The following SUCLG2 variants were observed in gnomAD, a reference collection of about 807,000 sequenced individuals.
SUCLG2 encodes the protein succinate-CoA ligase GDP-forming subunit beta.
In SUCLG2, 42 loss-of-function variants were observed where a neutral mutation model predicts 47.9. That is an observed-to-expected ratio of 0.88 (90% CI 0.69 to 1.14). SUCLG2 has a LOEUF of 1.14. Among genes scored for constraint, SUCLG2 ranks in the 50% most tolerant of loss-of-function variants. The probability of loss-of-function intolerance (pLI) is 0.00; values close to 1 mark genes in which losing one functional copy is unlikely to be tolerated. For synonymous variants in SUCLG2, 195 were observed against 197.3 expected, an observed-to-expected ratio of 0.99 and a Z score of 0.10; for missense variants, 571 against 525.9, an observed-to-expected ratio of 1.09 and a Z score of -0.84.
chr3:67,585,700 T>C (rs1490879244), intron 2 of SUCLG2, among the ~76,000 whole-genome samples: 1 of 152,010 alleles, frequency 6.6e-6, no homozygotes, highest in Non-Finnish European at 1.5e-5. Context: ...CAGTGGCTCA[T>C]ATCTGTAATC....
intron 9 of SUCLG2, among the ~76,000 whole-genome samples, chr3:67,429,602 T>C (rs190983634): frequency 6.6e-6 from 1 of 152,256 alleles, no homozygotes; most frequent in Non-Finnish European, 1.5e-5. Flanking sequence ...CATAACAATA[T>C]TAACCTTAAA....
chr3:67,608,168 C>G (rs1041713169), intron 2 of SUCLG2, among the ~76,000 whole-genome samples: 3 of 152,210 alleles, frequency 2.0e-5, no homozygotes, highest in Non-Finnish European at 4.4e-5. Context: ...ATGCCCTTGT[C>G]TTTGGTCTCC....
chr3:67,578,225 T>C (rs1228191896), intron 2 of SUCLG2, among the ~76,000 whole-genome samples: 1 of 147,186 alleles, frequency 6.8e-6, no homozygotes, highest in Non-Finnish European at 1.5e-5. Flanking sequence ...ATATATTTCA[T>C]ATATAAAAAA....
intron 2 of SUCLG2, among the ~76,000 whole-genome samples, chr3:67,541,157 G>A (rs1471994803): frequency 6.6e-6 from 1 of 152,100 alleles, no homozygotes; most frequent in Non-Finnish European, 1.5e-5. Flanking sequence ...TTCCTTCAAA[G>A]GATCACAACT....
chr3:67,623,344 C>G lies in SUCLG2; in HGVS notation c.85-13748G>C, dbSNP rs535257951. Reference sequence around the variant, plus strand: ...TGAAACCCCATCTCTACTAAAAATACAAAAAAATTAGCTGGGCGTGATGGC... The same window carrying G: ...TGAAACCCCATCTCTACTAAAAATAGAAAAAAATTAGCTGGGCGTGATGGC... On this transcript the variant is annotated intron_variant, in intron 1 of 10. Transcript: ENST00000307227. Among the ~76,000 whole-genome samples the G allele has an allele frequency of 2.6e-5, 4 of 151,888 alleles. No individual in the cohort carries two copies. In the East Asian group the frequency reaches 7.8e-4, roughly 30 times the overall value.
At chr3:67,528,252 G>A (rs116073508) in intron 3 of SUCLG2, 30 bp from the exon 4 acceptor site, 8 of 1,594,236 alleles carry the variant, frequency 5.0e-6, no homozygotes, top group African/African-American at 1.3e-5. Context: ...AGCAGAAAAT[G>A]AATGTTTGTT....
At chr3:67,604,955 C>A (rs1421196823) in intron 2 of SUCLG2, among the ~76,000 whole-genome samples, 1 of 152,164 alleles carries the variant, frequency 6.6e-6, no homozygotes, top group Non-Finnish European at 1.5e-5. Flanking sequence ...AATATGAACT[C>A]TCCTAACACA....
chr3:67,509,714 G>C (rs1705733733), intron 6 of SUCLG2, among the ~76,000 whole-genome samples: 1 of 152,174 alleles, frequency 6.6e-6, no homozygotes, highest in Non-Finnish European at 1.5e-5. Context: ...CAGAGCAAGA[G>C]GGTGGATCGT....
At chr3:67,494,857 A>G (rs1559546867) in intron 9 of SUCLG2, among the ~76,000 whole-genome samples, 2 of 152,190 alleles carry the variant, frequency 1.3e-5, no homozygotes, top group South Asian at 4.1e-4. Flanking sequence ...AAACTAGCTG[A>G]TTAAATATTA....
In SUCLG2 at chr3:67,629,563, G is replaced by A. The variant is rs376646675; in HGVS notation, c.85-19967C>T. 8.5e-5 allele frequency among the ~76,000 whole-genome samples: 13 copies of A among 152,274 alleles called. 1 individual carries two copies. The East Asian group carries it at 2.3e-3, about 27-fold the overall frequency. ...GCTCCCCTAATGTCAGTGTTTCAGA[G>A]TTTAATCAAGGTTTCATTACTTAGC... On this transcript the variant is annotated intron_variant, in intron 1 of 10. Transcript: ENST00000307227.
At chr3:67,471,763 G>A (rs1330752796) in intron 9 of SUCLG2, among the ~76,000 whole-genome samples, 3 of 152,090 alleles carry the variant, frequency 2.0e-5, no homozygotes, top group Non-Finnish European at 1.5e-5. Flanking sequence ...AACATGGCTG[G>A]GCTCTGGATC....
intron 9 of SUCLG2, 68 bp from the exon 10 acceptor site, chr3:67,400,919 AAAT>A: frequency 6.3e-7 from 1 of 1,598,114 alleles, no homozygotes; most frequent in South Asian, 1.1e-5. Context: ...ATAACTGGTT[AAAT>A]AATAGAGACA....
intron 10 of SUCLG2, among the ~76,000 whole-genome samples, chr3:67,365,261 CA>C (rs1701859304): frequency 6.6e-6 from 1 of 152,090 alleles, no homozygotes; most frequent in South Asian, 2.1e-4. Flanking sequence ...GAAAATTTAC[CA>C]AATTTGGCTA....
At chr3:67,558,854 C>T (rs1347217992) in intron 2 of SUCLG2, among the ~76,000 whole-genome samples, 1 of 152,116 alleles carries the variant, frequency 6.6e-6, no homozygotes. Context: ...TTTACCCTTA[C>T]CATATGGTAT....
chr3:67,483,783 C>A (rs1484883062), intron 9 of SUCLG2, among the ~76,000 whole-genome samples: 1 of 152,178 alleles, frequency 6.6e-6, no homozygotes, highest in Admixed American at 6.5e-5. Flanking sequence ...CTTTGCAGAG[C>A]TGCCCCCTGA....
chr3:67,584,413 GGAATCT>G (rs1474754732), intron 2 of SUCLG2, among the ~76,000 whole-genome samples: 7 of 152,150 alleles, frequency 4.6e-5, no homozygotes, highest in African/African-American at 1.7e-4. Context: ...AAGGGCATAA[GGAATCT>G]TATTGGAGGA....
Position 67,644,665 on chromosome 3 carries a change from T to C in SUCLG2, c.84+9838A>G, listed in dbSNP as rs1044230582. On this transcript the variant is annotated intron_variant, in intron 1 of 10. Transcript: ENST00000307227. ...GGTTAAAATGGTCAATTTTATGTCA[T>C]GTATATTTTACTACAATAATAAATA... Among the ~76,000 whole-genome samples the C allele has an allele frequency of 1.6e-4, 25 of 151,922 alleles. 1 individual carries two copies. The highest frequency in any genetic ancestry group is 1.0e-3 in the Admixed American group (16 of 15,264).
chr3:67,562,475 G>C (rs775701354), intron 2 of SUCLG2, among the ~76,000 whole-genome samples: 2 of 152,002 alleles, frequency 1.3e-5, no homozygotes, highest in Non-Finnish European at 2.9e-5. Flanking sequence ...ACAGGGTTTC[G>C]CCATGTTGGC....
chr3:67,456,851 G>C (rs1704198401), intron 9 of SUCLG2, among the ~76,000 whole-genome samples: 1 of 151,812 alleles, frequency 6.6e-6, no homozygotes, highest in South Asian at 2.1e-4. Context: ...CATGTTTAGG[G>C]GGAAAATATT....
Sources: gnomAD v4.1 joint callset for allele counts (sites outside exome capture counted in the v4.1 genomes callset) on GRCh38, gnomAD v4.1.1 for gene constraint, MANE v1.5 for transcripts, NCBI Gene and HGNC (gene_info 2026-07-23, HGNC 2026-07-21) for gene names.